Variants in HIPK3 observed in about 807,000 individuals in gnomAD.
HIPK3 encodes the protein homeodomain interacting protein kinase 3.
HIPK3 carries 47 observed loss-of-function variants against 124.2 expected under a neutral mutation model. That is an observed-to-expected ratio of 0.38 (90% CI 0.30 to 0.48). The LOEUF (loss-of-function observed/expected upper bound fraction) is 0.48, where lower values mean the gene tolerates loss of function less well. Among genes scored for constraint, HIPK3 ranks in the 20% least tolerant of loss-of-function variants. The pLI is 0.98. For synonymous variants in HIPK3, 482 were observed against 515.2 expected, an observed-to-expected ratio of 0.94 and a Z score of 0.87; for missense variants, 1,286 against 1,454.3, an observed-to-expected ratio of 0.88 and a Z score of 1.88.
At position 33,345,187 on chromosome 11, in the gene HIPK3, G is replaced by A. The variant is rs201839156; in HGVS notation, c.1898-2106G>A. On this transcript the variant is annotated intron_variant, in intron 8 of 16. Coordinates refer to ENST00000303296, the MANE Select transcript of HIPK3 (RefSeq NM_005734.5). The stretch of plus-strand genomic sequence containing the variant: ...AAAGTCAGTTTATTTTTAAAAATCA[G>A]CTAAGCTTTTATTTAACATCTGAGT... Among the ~76,000 whole-genome samples, 47 of 152,054 alleles carry A rather than the reference G, an allele frequency of 3.1e-4. 1 individual carries two copies. The East Asian group carries it at 8.7e-3, about 28-fold the overall frequency.
At chr11:33,310,754 AAAT>A (rs1209267872) in intron 2 of HIPK3, among the ~76,000 whole-genome samples, 6 of 152,260 alleles carry the variant, frequency 3.9e-5, no homozygotes, top group Non-Finnish European at 7.3e-5. Context: ...GTTGTTGCGA[AAAT>A]ACGGTAGGAC....
At chr11:33,270,836 A>G (rs1343801439) in intron 1 of HIPK3, among the ~76,000 whole-genome samples, 2 of 152,172 alleles carry the variant, frequency 1.3e-5, no homozygotes, top group Admixed American at 6.5e-5. Context: ...GAATAAGAGG[A>G]AACATTGTTA....
intron 1 of HIPK3, among the ~76,000 whole-genome samples, chr11:33,261,486 A>C (rs943895519): frequency 6.6e-6 from 1 of 151,974 alleles, no homozygotes; most frequent in Non-Finnish European, 1.5e-5. Context: ...CTGTTCCTGC[A>C]TTATTTATTA....
At position 33,353,326 on chromosome 11, in the gene HIPK3, C is replaced by A; in HGVS notation, c.3406C>A (p.Leu1136Met). Residue 1136 changes from leucine to methionine, a missense_variant, in exon 17 of 17, where the codon CTG becomes ATG. This residue lies in a region of HIPK3 where 810 missense variants were observed against 864.9 expected (regional missense o/e 0.94). Transcript: ENST00000303296. ...TLSSAAPVAHLLASPCTSRPM... is the reference protein window; with the variant it reads ...TLSSAAPVAHMLASPCTSRPM... ...CAGTAGTGCTGCACCAGTGGCCCAC[C>A]TGTTAGCCTCTCCGTGTACCTCAAG... 6.2e-7 allele frequency: 1 copy of A among 1,614,118 alleles called. No individual in the cohort carries two copies. Among genetic ancestry groups the A allele is most frequent in the South Asian group, 1.1e-5 (1 of 91,072 alleles).
chr11:33,301,820 T>TCACACACACACACACACACACA lies in HIPK3; in HGVS notation c.1097+14309_1097+14310insCACACACACACACACACACACA, dbSNP rs1565073677. ...CTGGGCAACAGAGTGAAACCCTGTC[T>TCACACACACACACACACACACA]GACACACACACACACACACACACAC... On this transcript the variant is annotated intron_variant, in intron 2 of 16. Coordinates refer to ENST00000303296, the MANE Select transcript of HIPK3 (RefSeq NM_005734.5). Among the ~76,000 whole-genome samples, 11 of 24,880 alleles carry TCACACACACACACACACACACA rather than the reference T, an allele frequency of 4.4e-4. No individual in the cohort carries two copies. In the East Asian group the frequency reaches 5.6e-3, roughly 13 times the overall value. The allele number at this position is 24,880 out of a possible 152,430, so 16.3% of individuals were successfully genotyped here.
chr11:33,343,209 A>G (rs1853387235), intron 8 of HIPK3, among the ~76,000 whole-genome samples: 1 of 151,276 alleles, frequency 6.6e-6, no homozygotes, highest in African/African-American at 2.4e-5. Flanking sequence ...GGCCATTTCT[A>G]ACTCTAATAT....
intron 1 of HIPK3, among the ~76,000 whole-genome samples, chr11:33,269,346 C>T (rs1241460561): frequency 6.6e-6 from 1 of 152,154 alleles, no homozygotes; most frequent in Non-Finnish European, 1.5e-5. Flanking sequence ...GATTTCACTC[C>T]TCTCTCAAGG....
At chr11:33,346,381 T>G (rs901775624) in intron 8 of HIPK3, among the ~76,000 whole-genome samples, 1 of 152,206 alleles carries the variant, frequency 6.6e-6, no homozygotes, top group Non-Finnish European at 1.5e-5. Context: ...AACCTTAGTT[T>G]TATCATCAAA....
chr11:33,323,283 G>A (rs139585513), intron 2 of HIPK3, among the ~76,000 whole-genome samples: 6 of 152,160 alleles, frequency 3.9e-5, no homozygotes, highest in South Asian at 2.1e-4. Flanking sequence ...AGCTCTGGTC[G>A]CCCAGGCTGG....
At chr11:33,276,904 CA>C (rs1162819988) in intron 1 of HIPK3, among the ~76,000 whole-genome samples, 3 of 152,116 alleles carry the variant, frequency 2.0e-5, no homozygotes, top group East Asian at 3.9e-4. Context: ...GGGGTTTCAT[CA>C]TGTTGGCCAG....
chr11:33,305,517 A>G (rs755757348), intron 2 of HIPK3, among the ~76,000 whole-genome samples: 2 of 152,206 alleles, frequency 1.3e-5, no homozygotes, highest in Non-Finnish European at 2.9e-5. Flanking sequence ...CACCAACCAT[A>G]ATAGATGATA....
chr11:33,270,436 G>C (rs1196253144), intron 1 of HIPK3, among the ~76,000 whole-genome samples: 1 of 152,014 alleles, frequency 6.6e-6, no homozygotes, highest in Non-Finnish European at 1.5e-5. Flanking sequence ...AGCCTCCCAA[G>C]TAGCTGGGAT....
intron 2 of HIPK3, among the ~76,000 whole-genome samples, chr11:33,312,584 TGA>T (rs1852381652): frequency 1.3e-5 from 2 of 152,222 alleles, no homozygotes; most frequent in Non-Finnish European, 2.9e-5. Flanking sequence ...AATATACAAA[TGA>T]GAGACAGTTT....
At chr11:33,283,910 A>G (rs1256796202) in intron 1 of HIPK3, among the ~76,000 whole-genome samples, 1 of 151,502 alleles carries the variant, frequency 6.6e-6, no homozygotes, top group Non-Finnish European at 1.5e-5. Context: ...CCTGACCTCA[A>G]GTGATCTGCC....
At chr11:33,283,833 C>T (rs1851477380) in intron 1 of HIPK3, among the ~76,000 whole-genome samples, 1 of 152,034 alleles carries the variant, frequency 6.6e-6, no homozygotes, top group African/African-American at 2.4e-5. Flanking sequence ...CACCACCACA[C>T]CTGGCTGATT....
intron 2 of HIPK3, among the ~76,000 whole-genome samples, chr11:33,322,591 C>A (rs937027303): frequency 2.4e-4 from 36 of 151,974 alleles, no homozygotes; most frequent in Non-Finnish European, 4.3e-4. Context: ...TTCAGGAGGC[C>A]GAGGCAGGCA....
intron 2 of HIPK3, among the ~76,000 whole-genome samples, chr11:33,302,535 C>T (rs1381391009): frequency 6.6e-6 from 1 of 151,994 alleles, no homozygotes; most frequent in East Asian, 1.9e-4. Flanking sequence ...AGAGGTTTCA[C>T]CATGTGGCCA....
At chr11:33,322,835 A>T (rs1852704091) in intron 2 of HIPK3, among the ~76,000 whole-genome samples, 1 of 152,296 alleles carries the variant, frequency 6.6e-6, no homozygotes, top group South Asian at 2.1e-4. Flanking sequence ...CAGAAAAAAA[A>T]ACTAGAAAAA....
At chr11:33,275,440 G>T (rs1487554255) in intron 1 of HIPK3, among the ~76,000 whole-genome samples, 1 of 151,442 alleles carries the variant, frequency 6.6e-6, no homozygotes, top group Non-Finnish European at 1.5e-5. Context: ...AACCAATGAA[G>T]AATTAAACTC....
Sources: allele counts gnomAD v4.1 joint callset (sites outside exome capture counted in the v4.1 genomes callset), GRCh38; gene constraint gnomAD v4.1.1; regional missense constraint gnomAD v4.1.1; transcripts MANE v1.5; gene names NCBI Gene and HGNC (gene_info 2026-07-23, HGNC 2026-07-21).